Variants in SAP130 observed in about 807,000 individuals in gnomAD.
The protein encoded by SAP130 is histone deacetylase complex subunit SAP130.
In SAP130, 16 loss-of-function variants were observed where a neutral mutation model predicts 103.2. That is an observed-to-expected ratio of 0.16 (90% CI 0.10 to 0.24). The LOEUF is 0.24. Ranked by LOEUF, SAP130 falls within the 10% of genes least tolerant of loss-of-function variation. The pLI, the probability that SAP130 is intolerant of heterozygous loss-of-function variation, is 1.00. For missense variants in SAP130, 990 were observed against 1,359.7 expected, an observed-to-expected ratio of 0.73 and a Z score of 4.28; for synonymous variants, 477 against 497.0, an observed-to-expected ratio of 0.96 and a Z score of 0.53.
intron 16 of SAP130, among the ~76,000 whole-genome samples, chr2:127,952,452 A>G (rs1265658721): frequency 7.6e-4 from 1 of 1,312 alleles, no homozygotes; most frequent in African/African-American, 8.0e-4. Flanking sequence ...CTCCATCTTA[A>G]AAAAAAAAAA....
intron 6 of SAP130, among the ~76,000 whole-genome samples, chr2:128,011,818 T>C (rs1280290004): frequency 6.6e-6 from 1 of 152,150 alleles, no homozygotes; most frequent in African/African-American, 2.4e-5. Context: ...ATCTTATCTT[T>C]CTTATTTTTT....
chr2:127,985,032 C>T (rs1343435432), intron 14 of SAP130, among the ~76,000 whole-genome samples: 3 of 152,248 alleles, frequency 2.0e-5, no homozygotes, highest in Non-Finnish European at 2.9e-5. Context: ...CTTTCCCCTA[C>T]GCAAGCTTCA....
chr2:128,028,044 G>C lies in SAP130; in HGVS notation c.-111C>G, dbSNP rs372154807. The stretch of plus-strand genomic sequence containing the variant: ...AGGCTCCGGACCCGCAGCCACCGCC[G>C]GGGAGCTAGCACTCTGCCCCCCACC... On this transcript the variant is annotated 5_prime_UTR_variant, in exon 1 of 21. Transcript: ENST00000643581. The C allele has an allele frequency of 2.5e-5, 23 of 928,484 alleles. No homozygotes were observed. Among genetic ancestry groups the C allele is most frequent in the Non-Finnish European group, 3.0e-5 (23 of 777,622 alleles). The allele number at this position is 928,484 out of a possible 1,614,324, so 57.5% of individuals were successfully genotyped here. A position where few individuals can be genotyped will look rare whatever the true frequency, so the allele number is the denominator to read the frequency against.
chr2:127,966,172 C>G (rs1182867710), intron 15 of SAP130, among the ~76,000 whole-genome samples: 3 of 151,236 alleles, frequency 2.0e-5, no homozygotes, highest in East Asian at 3.9e-4. Context: ...GAAACCCAGT[C>G]TCTACTAAAA....
At chr2:127,998,877 G>C (rs1683352013) in intron 10 of SAP130, among the ~76,000 whole-genome samples, 1 of 152,240 alleles carries the variant, frequency 6.6e-6, no homozygotes, top group Admixed American at 6.5e-5. Context: ...AAGCGTCTGG[G>C]CTTGGCTCTG....
intron 13 of SAP130, among the ~76,000 whole-genome samples, chr2:127,988,008 A>G (rs949226812): frequency 1.3e-5 from 2 of 152,196 alleles, no homozygotes; most frequent in African/African-American, 4.8e-5. Context: ...GTAGTACACC[A>G]TCCTACCGGG....
At chr2:127,969,637 C>T (rs528475617) in intron 15 of SAP130, among the ~76,000 whole-genome samples, 8 of 152,314 alleles carry the variant, frequency 5.3e-5, no homozygotes, top group African/African-American at 1.9e-4. Context: ...GTTGGCAGGG[C>T]TGGTTCTTTC....
At chr2:128,013,927 T>C (rs1376464942) in intron 5 of SAP130, among the ~76,000 whole-genome samples, 1 of 152,202 alleles carries the variant, frequency 6.6e-6, no homozygotes, top group East Asian at 1.9e-4. Context: ...ATCATTTTAT[T>C]GTTACATAAG....
At position 127,989,693 on chromosome 2, in the gene SAP130, C is replaced by T. The variant is rs1269321941; in HGVS notation, c.1651G>A (p.Gly551Arg). The T allele has an allele frequency of 2.5e-6, 4 of 1,614,118 alleles. No homozygotes were observed. Among genetic ancestry groups the T allele is most frequent in the East Asian group, 2.2e-5 (1 of 44,882 alleles). Residue 551 changes from glycine to arginine, a missense_variant, in exon 13 of 21, where the codon GGG becomes AGG. Gly to Arg is a moderately radical substitution (Grantham distance 125). This residue lies in a region of SAP130 where 349 missense variants were observed against 384.1 expected (regional missense o/e 0.91). Coordinates refer to ENST00000643581, the MANE Select transcript of SAP130 (RefSeq NM_001330301.2). The surrounding 1 kb of genome is among the most constrained non-coding windows in gnomAD (Gnocchi z 4.6). Reference protein sequence around the residue: ...STQGIQPAPIGTPGIQPAPLG... With the variant: ...STQGIQPAPIRTPGIQPAPLG... ...GGTGCAGGCTGTATCCCTGGGGTCC[C>T]AATGGGGGCCGGCTGGATACCCTGG...
intron 15 of SAP130, among the ~76,000 whole-genome samples, chr2:127,956,719 A>G (rs1206961690): frequency 1.3e-5 from 2 of 150,512 alleles, no homozygotes; most frequent in Non-Finnish European, 1.5e-5. Context: ...AAAAAAAAAA[A>G]AAAAGAAAGT....
In SAP130 at chr2:128,000,311, G is replaced by A. The variant is rs760126251; in HGVS notation, c.1013C>T (p.Ala338Val). The A allele has an allele frequency of 6.2e-7, 1 of 1,614,214 alleles. No individual in the cohort carries two copies. The highest frequency in any genetic ancestry group is 1.7e-5 in the Admixed American group (1 of 60,014). Residue 338 changes from alanine to valine, a missense_variant, in exon 8 of 21, where the codon GCT (alanine) becomes GTT (valine). Ala to Val is a moderately conservative substitution (Grantham distance 64). This residue lies in a region of SAP130 where 336 missense variants were observed against 520.1 expected (regional missense o/e 0.65). Coordinates refer to ENST00000643581, the MANE Select transcript of SAP130 (RefSeq NM_001330301.2). The part of the protein sequence containing the change: ...GTPKQQLHTM[A>V]QKTIFSTGTP... ...GTTCTCCACTTTTGGTTTTACCTGA[G>A]CCATTGTATGAAGCTGCTGTTTTGG...
chr2:127,950,224 C>A lies in SAP130; in HGVS notation c.2607G>T (p.Lys869Asn), dbSNP rs1679404232. Reference protein sequence around the residue: ...MMETNSTDDEKSTAKSLLVKA... With the variant: ...MMETNSTDDENSTAKSLLVKA... ...TCACCAGAAGACTCTTGGCAGTGGA[C>A]TTCTCATCATCAGTGCTGTTTGTCT... The change falls in exon 17 of 21, where the codon AAG becomes AAT. Residue 869 changes from lysine (K) to asparagine (N), a missense_variant. By Grantham distance (94) the Lys-to-Asn change is moderately conservative. This residue lies in a region of SAP130 where 61 missense variants were observed against 73.8 expected (regional missense o/e 0.83). Coordinates refer to ENST00000643581, the MANE Select transcript of SAP130 (RefSeq NM_001330301.2). The A allele has an allele frequency of 1.9e-6, 3 of 1,614,204 alleles. No individual in the cohort carries two copies. The highest frequency in any genetic ancestry group is 2.5e-6 in the Non-Finnish European group (3 of 1,180,026).
At chr2:128,016,840 T>G (rs13424598) in intron 3 of SAP130, among the ~76,000 whole-genome samples, 3,594 of 152,318 alleles carry the variant, frequency 0.024, 106 homozygotes, top group East Asian at 0.14. Flanking sequence ...CCCACACCCT[T>G]TCTTCTACAT....
At chr2:127,980,094 G>A (rs1159432414) in intron 14 of SAP130, among the ~76,000 whole-genome samples, 1 of 151,970 alleles carries the variant, frequency 6.6e-6, no homozygotes, top group Non-Finnish European at 1.5e-5. Context: ...GGCCAGGCTG[G>A]TCTCGATCTC....
intron 16 of SAP130, among the ~76,000 whole-genome samples, chr2:127,954,291 A>G (rs1679684043): frequency 6.6e-6 from 1 of 152,246 alleles, no homozygotes; most frequent in African/African-American, 2.4e-5. Context: ...CAGCATGAGA[A>G]AGAAATGGAG....
At chr2:128,027,840 T>G (rs1685632963) in intron 1 of SAP130, 100 bp downstream of exon 1, 5 of 793,230 alleles carry the variant, frequency 6.3e-6, no homozygotes, top group Admixed American at 6.2e-5. Context: ...CCTCTGCCCT[T>G]CCCCGGGGAC....
At chr2:127,990,182 C>T (rs1362634805) in intron 12 of SAP130, among the ~76,000 whole-genome samples, 1 of 151,894 alleles carries the variant, frequency 6.6e-6, no homozygotes, top group Non-Finnish European at 1.5e-5. Flanking sequence ...TATAAAACGT[C>T]AGAAATACAC....
intron 10 of SAP130, among the ~76,000 whole-genome samples, chr2:127,997,254 C>G (rs1055874622): frequency 2.6e-5 from 4 of 152,178 alleles, no homozygotes; most frequent in African/African-American, 9.7e-5. Context: ...TATAGCTGAA[C>G]TAGAATACAC....
chr2:128,027,086 C>A, intron 1 of SAP130: 1 of 1,443,066 alleles, frequency 6.9e-7, no homozygotes, highest in Non-Finnish European at 9.2e-7. Context: ...CACTGTGCCT[C>A]TTTACCTGTA....
Sources: allele counts gnomAD v4.1 joint callset (sites outside exome capture counted in the v4.1 genomes callset), GRCh38; gene constraint gnomAD v4.1.1; regional missense constraint gnomAD v4.1.1; non-coding constraint Gnocchi (gnomAD v3.1); transcripts MANE v1.5; gene names NCBI Gene and HGNC (gene_info 2026-07-23, HGNC 2026-07-21).